Variants in ZBTB7C observed in about 807,000 individuals in gnomAD.
ZBTB7C encodes the protein zinc finger and BTB domain-containing protein 7C.
ZBTB7C carries 8 observed loss-of-function variants against 25.7 expected under a neutral mutation model. That is an observed-to-expected ratio of 0.31 (90% CI 0.18 to 0.56). The LOEUF is 0.56. Ranked by LOEUF, ZBTB7C falls within the 20% of genes least tolerant of loss-of-function variation. The pLI, the probability that ZBTB7C is intolerant of heterozygous loss-of-function variation, is 0.91. For missense variants in ZBTB7C, 824 were observed against 855.2 expected (o/e 0.96, Z 0.46); for synonymous variants, 394 against 369.0 (o/e 1.07, Z -0.78).
chr18:48,316,023 A>G (rs2045939703), intron 2 of ZBTB7C, among the ~76,000 whole-genome samples: 1 of 152,026 alleles, frequency 6.6e-6, no homozygotes, highest in South Asian at 2.1e-4. Flanking sequence ...CCAGCCCTAG[A>G]GACCTGGCAA....
intron 4 of ZBTB7C, among the ~76,000 whole-genome samples, chr18:48,031,194 T>C (rs1235760645): frequency 1.3e-5 from 2 of 151,808 alleles, no homozygotes; most frequent in African/African-American, 2.4e-5. Flanking sequence ...CCACTAGAGG[T>C]CTCACCAGCT....
intron 2 of ZBTB7C, among the ~76,000 whole-genome samples, chr18:48,287,810 C>T (rs1201460334): frequency 2.0e-5 from 3 of 152,190 alleles, no homozygotes; most frequent in Non-Finnish European, 4.4e-5. Flanking sequence ...AGAGACTAAT[C>T]ATATAGTCAT....
chr18:48,225,091 T>C lies in ZBTB7C; in HGVS notation c.-78-39096A>G, dbSNP rs540036601. ...TCCAGGTGGCTTGGCATCTGCTGTA[T>C]GGACCTATGTCTTTGCTCTATAAAA... On this transcript the variant is annotated intron_variant, in intron 2 of 4. Coordinates refer to ENST00000590800, the MANE Select transcript of ZBTB7C (RefSeq NM_001318841.2). 3.5e-4 allele frequency among the ~76,000 whole-genome samples: 53 copies of C among 152,342 alleles called. 1 individual carries two copies. Among genetic ancestry groups the C allele is most frequent in the African/African-American group, 1.3e-3 (53 of 41,576 alleles).
intron 3 of ZBTB7C, among the ~76,000 whole-genome samples, chr18:48,073,421 C>T (rs993289064): frequency 6.6e-6 from 1 of 151,090 alleles, no homozygotes; most frequent in East Asian, 2.0e-4. Context: ...GCGGGGAGGG[C>T]GGGAGGTGGT....
At chr18:48,293,790 A>G (rs1443351172) in intron 2 of ZBTB7C, among the ~76,000 whole-genome samples, 1 of 152,176 alleles carries the variant, frequency 6.6e-6, no homozygotes, top group Non-Finnish European at 1.5e-5. Flanking sequence ...TTAAGAAAAA[A>G]AAATATAAAT....
At chr18:48,269,070 C>T (rs1265326701) in intron 2 of ZBTB7C, among the ~76,000 whole-genome samples, 4 of 150,586 alleles carry the variant, frequency 2.7e-5, no homozygotes, top group African/African-American at 9.8e-5. Flanking sequence ...AAGTGATTCT[C>T]ATGCCTCAGC....
chr18:48,169,447 C>A (rs1026713750), intron 3 of ZBTB7C, among the ~76,000 whole-genome samples: 1 of 152,166 alleles, frequency 6.6e-6, no homozygotes, highest in Non-Finnish European at 1.5e-5. Context: ...GCCCTGCCAT[C>A]GTCACTTTTG....
intron 1 of ZBTB7C, among the ~76,000 whole-genome samples, chr18:48,401,230 T>C (rs1461531259): frequency 6.6e-6 from 1 of 152,098 alleles, no homozygotes; most frequent in East Asian, 1.9e-4. Flanking sequence ...GCCTTAACTG[T>C]TTTTCATTTT....
At chr18:48,408,175 G>GC (rs2048325763) in intron 1 of ZBTB7C, among the ~76,000 whole-genome samples, 1 of 152,146 alleles carries the variant, frequency 6.6e-6, no homozygotes, top group African/African-American at 2.4e-5. Flanking sequence ...CGCCCGCGCC[G>GC]CGGAAGGTTG....
chr18:48,292,751 G>A (rs544198330), intron 2 of ZBTB7C, among the ~76,000 whole-genome samples: 64 of 152,296 alleles, frequency 4.2e-4, no homozygotes, highest in African/African-American at 1.4e-3. Flanking sequence ...GACAAGAAAA[G>A]CTAGATTTGA....
intron 3 of ZBTB7C, among the ~76,000 whole-genome samples, chr18:48,164,402 A>T (rs2041171545): frequency 6.6e-6 from 1 of 152,118 alleles, no homozygotes; most frequent in Non-Finnish European, 1.5e-5. Flanking sequence ...TTTGGCAAAC[A>T]TGCACATACA....
At position 48,167,784 on chromosome 18, in the gene ZBTB7C, G is replaced by C. The variant is rs75567705; in HGVS notation, c.-17+18150C>G. ...TAACACAGCAGCCACAGGGTTTCAA[G>C]GTTTCTTTGAGAAGATGCTAGAGCA... On this transcript the variant is annotated intron_variant, in intron 3 of 4. Coordinates refer to ENST00000590800, the MANE Select transcript of ZBTB7C (RefSeq NM_001318841.2). Among the ~76,000 whole-genome samples the C allele has an allele frequency of 3.7e-3, 558 of 152,304 alleles. 5 individuals carry two copies. The highest frequency in any genetic ancestry group is 0.013 in the African/African-American group (535 of 41,576).
At chr18:48,163,803 G>A (rs1438680929) in intron 3 of ZBTB7C, among the ~76,000 whole-genome samples, 2 of 152,208 alleles carry the variant, frequency 1.3e-5, no homozygotes, top group Non-Finnish European at 2.9e-5. Flanking sequence ...TTTCACGAAT[G>A]CAAAATGGAA....
chr18:48,210,253 G>C (rs1406967853), intron 2 of ZBTB7C, among the ~76,000 whole-genome samples: 1 of 152,172 alleles, frequency 6.6e-6, no homozygotes, highest in East Asian at 1.9e-4. Context: ...TTGGAAAACA[G>C]CCTGGCAGTT....
intron 3 of ZBTB7C, among the ~76,000 whole-genome samples, chr18:48,137,655 CA>C (rs1006240393): frequency 2.0e-5 from 3 of 151,924 alleles, no homozygotes; most frequent in Non-Finnish European, 4.4e-5. Context: ...CTTTAAGTAA[CA>C]AAAAAAAGAG....
chr18:48,140,365 G>C (rs982933505), intron 3 of ZBTB7C, among the ~76,000 whole-genome samples: 1 of 152,256 alleles, frequency 6.6e-6, no homozygotes, highest in African/African-American at 2.4e-5. Context: ...CAACCACGCT[G>C]TGGGGTAGAT....
chr18:48,182,747 G>A (rs867145146), intron 3 of ZBTB7C, among the ~76,000 whole-genome samples: 6 of 152,124 alleles, frequency 3.9e-5, no homozygotes, highest in African/African-American at 1.2e-4. Context: ...AAACTCACAC[G>A]GTGCTGACAA....
chr18:48,383,151 CT>C (rs1482846959), intron 1 of ZBTB7C, among the ~76,000 whole-genome samples: 2 of 152,180 alleles, frequency 1.3e-5, no homozygotes, highest in Non-Finnish European at 2.9e-5. Flanking sequence ...ACCCACCAGC[CT>C]ACTGGCCTAG....
intron 3 of ZBTB7C, among the ~76,000 whole-genome samples, chr18:48,072,176 G>A (rs2037566769): frequency 6.6e-6 from 1 of 152,226 alleles, no homozygotes; most frequent in East Asian, 1.9e-4. Context: ...GAAAGCATTT[G>A]ACCACTGGAA....
Sources: gnomAD v4.1 joint callset for allele counts (sites outside exome capture counted in the v4.1 genomes callset) on GRCh38, gnomAD v4.1.1 for gene constraint, MANE v1.5 for transcripts, NCBI Gene and HGNC (gene_info 2026-07-23, HGNC 2026-07-21) for gene names.